RAB3GAP2: variants seen among roughly 807,000 people sequenced by gnomAD.
RAB3GAP2 encodes the protein rab3 GTPase-activating protein non-catalytic subunit.
In RAB3GAP2, 87 loss-of-function variants were observed where a neutral mutation model predicts 185.3. The ratio of observed to expected loss-of-function variants is 0.47; its 90% CI spans 0.39 to 0.56. RAB3GAP2 has a LOEUF of 0.56. RAB3GAP2 is among the 20% of genes least tolerant of loss of function. The pLI, the probability that RAB3GAP2 is intolerant of heterozygous loss-of-function variation, is 0.00. For synonymous variants in RAB3GAP2, 554 were observed against 576.1 expected (o/e 0.96, Z 0.55); for missense variants, 1,492 against 1,638.2 (o/e 0.91, Z 1.54).
chr1:220,214,626 GA>G (rs962862857), intron 2 of RAB3GAP2, among the ~76,000 whole-genome samples: 9 of 151,302 alleles, frequency 5.9e-5, no homozygotes, highest in African/African-American at 2.2e-4. Flanking sequence ...AGACAGCAAA[GA>G]AAAAAAATGT....
intron 9 of RAB3GAP2, among the ~76,000 whole-genome samples, chr1:220,198,240 C>T (rs1658767145): frequency 6.6e-6 from 1 of 152,136 alleles, no homozygotes; most frequent in Non-Finnish European, 1.5e-5. Context: ...GCTCTTGAAG[C>T]AAAATAGCTG....
At chr1:220,268,957 C>T (rs1240097542) in intron 1 of RAB3GAP2, among the ~76,000 whole-genome samples, 1 of 152,176 alleles carries the variant, frequency 6.6e-6, no homozygotes, top group Middle Eastern at 3.2e-3. Context: ...TTTAAAAATT[C>T]AGTTCCTCAG....
At position 220,196,362 on chromosome 1, in the gene RAB3GAP2, G is replaced by A; in HGVS notation, c.848C>T (p.Thr283Ile). The A allele has an allele frequency of 6.2e-7, 1 of 1,604,830 alleles. No homozygotes were observed. The highest frequency in any genetic ancestry group is 1.1e-5 in the South Asian group (1 of 90,882). Residue 283 changes from threonine to isoleucine, a missense_variant, in exon 10 of 35, where the codon ACT (threonine) becomes ATT (isoleucine). Thr to Ile is a moderately conservative substitution (Grantham distance 89). Around this residue, in one of 5 missense-constraint regions of RAB3GAP2, gnomAD observed 243 missense variants for 314.8 expected, o/e 0.77. Coordinates refer to ENST00000358951, the MANE Select transcript of RAB3GAP2 (RefSeq NM_012414.4). ...ATTAAATCCACCTATATTGGAGGCA[G>A]TCTTCATTTGATCAAAGGGGGACAG... ...MTLSPFDQMK[T>I]ASNIGGFNAA...
chr1:220,193,231 A>G lies in RAB3GAP2; in HGVS notation c.1270+9T>C, dbSNP rs1658658015. 1 of 1,613,678 alleles carries G rather than the reference A, an allele frequency of 6.2e-7. No homozygotes were observed. The highest frequency in any genetic ancestry group is 8.5e-7 in the Non-Finnish European group (1 of 1,179,870). On this transcript the variant is annotated intron_variant, in intron 13 of 34. Transcript: ENST00000358951. ...ATTAATTGTTTTTCTGGATTTTTGT[A>G]AGAAGTACCTTTCCACATGCGTATT...
intron 34 of RAB3GAP2, 45 bp downstream of exon 34, chr1:220,151,561 A>G: frequency 6.3e-7 from 1 of 1,590,108 alleles, no homozygotes; most frequent in Non-Finnish European, 8.6e-7. Context: ...GCACTCAAGA[A>G]AACATCCAAT....
chr1:220,181,116 T>C (rs1383415217), intron 21 of RAB3GAP2, among the ~76,000 whole-genome samples: 2 of 152,188 alleles, frequency 1.3e-5, no homozygotes, highest in Non-Finnish European at 2.9e-5. Flanking sequence ...TACATGCAAA[T>C]ACCACACCAT....
chr1:220,198,648 T>C (rs1336411300), intron 9 of RAB3GAP2, among the ~76,000 whole-genome samples: 1 of 152,194 alleles, frequency 6.6e-6, no homozygotes, highest in African/African-American at 2.4e-5. Context: ...ACTGTTTTTA[T>C]TATTAGGAAT....
intron 10 of RAB3GAP2, 62 bp from the exon 11 acceptor site, chr1:220,195,439 C>T (rs768130762): frequency 3.6e-6 from 5 of 1,390,980 alleles, no homozygotes; most frequent in Non-Finnish European, 5.1e-6. Flanking sequence ...AACATACTTT[C>T]TAAATAAAGC....
intron 4 of RAB3GAP2, among the ~76,000 whole-genome samples, chr1:220,211,942 C>T (rs1398426977): frequency 6.6e-6 from 1 of 152,194 alleles, no homozygotes; most frequent in East Asian, 1.9e-4. Context: ...ATGTTCCAGG[C>T]ATGTTCTAGG....
At chr1:220,203,269 C>T (rs1658896356) in intron 8 of RAB3GAP2, among the ~76,000 whole-genome samples, 1 of 152,132 alleles carries the variant, frequency 6.6e-6, no homozygotes, top group Non-Finnish European at 1.5e-5. Context: ...CATCTCTTGC[C>T]ATAGATTCAT....
chr1:220,263,246 A>G (rs572209339), intron 1 of RAB3GAP2, among the ~76,000 whole-genome samples: 6 of 152,174 alleles, frequency 3.9e-5, no homozygotes, highest in Admixed American at 3.3e-4. Context: ...CCATTTTGAA[A>G]ACTGCCTTTT....
intron 1 of RAB3GAP2, among the ~76,000 whole-genome samples, chr1:220,270,556 C>T (rs1459382028): frequency 6.6e-6 from 1 of 152,210 alleles, no homozygotes; most frequent in Non-Finnish European, 1.5e-5. Context: ...AACTCCCCCT[C>T]ACTTACTAGT....
intron 1 of RAB3GAP2, among the ~76,000 whole-genome samples, chr1:220,269,255 A>G (rs916103192): frequency 6.6e-5 from 10 of 152,198 alleles, no homozygotes; most frequent in African/African-American, 2.2e-4. Context: ...CCTTAGCCAC[A>G]AATGTGGTTG....
At chr1:220,186,089 A>G (rs1459605665) in intron 17 of RAB3GAP2, among the ~76,000 whole-genome samples, 2 of 152,228 alleles carry the variant, frequency 1.3e-5, no homozygotes, top group African/African-American at 4.8e-5. Context: ...GGCATAAACG[A>G]AAAGCAGAGG....
At chr1:220,188,777 A>G (rs1027268107) in intron 17 of RAB3GAP2, among the ~76,000 whole-genome samples, 3 of 152,194 alleles carry the variant, frequency 2.0e-5, no homozygotes, top group East Asian at 1.9e-4. Context: ...AAAAATCTGG[A>G]AACAACCTAA....
At chr1:220,266,604 G>T in intron 1 of RAB3GAP2, 1 of 1,049,366 alleles carries the variant, frequency 9.5e-7, no homozygotes, top group East Asian at 2.4e-5. Flanking sequence ...TAGTGTTCTA[G>T]ATTGAGGGCA....
chr1:220,237,911 T>A (rs1243283294), intron 1 of RAB3GAP2, among the ~76,000 whole-genome samples: 2 of 151,822 alleles, frequency 1.3e-5, no homozygotes, highest in Admixed American at 6.6e-5. Context: ...ACAGGTGAAA[T>A]TAACCTTAAT....
chr1:220,205,733 C>T (rs1285748716), intron 8 of RAB3GAP2, among the ~76,000 whole-genome samples, 174 bp downstream of exon 8: 2 of 152,154 alleles, frequency 1.3e-5, no homozygotes, highest in Admixed American at 6.6e-5. Flanking sequence ...TCATCTCTAC[C>T]TTACTAAGCA....
intron 2 of RAB3GAP2, among the ~76,000 whole-genome samples, chr1:220,223,846 A>G (rs1344009525): frequency 6.6e-6 from 1 of 151,638 alleles, no homozygotes; most frequent in Non-Finnish European, 1.5e-5. Context: ...CCATGCAACA[A>G]TTTCTGTCAA....
Sources: gnomAD v4.1 joint callset for allele counts (sites outside exome capture counted in the v4.1 genomes callset) on GRCh38, gnomAD v4.1.1 for gene constraint, gnomAD v4.1.1 regional missense constraint, MANE v1.5 for transcripts, NCBI Gene and HGNC (gene_info 2026-07-23, HGNC 2026-07-21) for gene names.